EXOC4: variants seen among roughly 807,000 people sequenced by gnomAD.
The protein encoded by EXOC4 is SEC8-like 1.
Under a neutral mutation model 107.2 loss-of-function variants are expected in EXOC4, and 71 were observed. The ratio of observed to expected loss-of-function variants is 0.66; its 90% CI spans 0.55 to 0.81. EXOC4 has a LOEUF of 0.81. EXOC4 is among the 30% of genes least tolerant of loss of function. The pLI, the probability that EXOC4 is intolerant of heterozygous loss-of-function variation, is 0.00. For synonymous variants in EXOC4, 456 were observed against 441.2 expected (o/e 1.03, Z -0.42); for missense variants, 1,108 against 1,189.6 (o/e 0.93, Z 1.01).
At chr7:133,635,502 A>G (rs1802686125) in intron 10 of EXOC4, among the ~76,000 whole-genome samples, 1 of 152,220 alleles carries the variant, frequency 6.6e-6, no homozygotes, top group Non-Finnish European at 1.5e-5. Flanking sequence ...GAAAATCTAA[A>G]TGCTTGCACC....
At chr7:133,870,434 A>G (rs1250175968) in intron 11 of EXOC4, among the ~76,000 whole-genome samples, 14 of 152,144 alleles carry the variant, frequency 9.2e-5, no homozygotes, top group Admixed American at 2.6e-4. Context: ...TGCCTTTGAT[A>G]TTTGACTTTT....
At chr7:133,782,550 C>G (rs921552410) in intron 10 of EXOC4, among the ~76,000 whole-genome samples, 2 of 152,228 alleles carry the variant, frequency 1.3e-5, no homozygotes, top group African/African-American at 4.8e-5. Flanking sequence ...TGAAAGCTGT[C>G]AAAGGATAAG....
At chr7:133,664,522 A>C (rs1381564163) in intron 10 of EXOC4, among the ~76,000 whole-genome samples, 1 of 152,158 alleles carries the variant, frequency 6.6e-6, no homozygotes, top group South Asian at 2.1e-4. Context: ...GAATACCCAG[A>C]TCTTTATGTC....
intron 10 of EXOC4, among the ~76,000 whole-genome samples, chr7:133,741,094 C>T (rs182733158): frequency 6.6e-5 from 10 of 152,302 alleles, no homozygotes; most frequent in East Asian, 1.9e-4. Context: ...TTTCAATTAT[C>T]GCATGTGTAG....
In EXOC4 at chr7:133,645,086, CTTTT is replaced by C. The variant is rs35058872; in HGVS notation, c.1514+14961_1514+14964del. ...TCTTTTCTGGGGAGCCTTCTGCCAC[CTTTT>C]TTTTTTTTTTTTTTTCTTTGAGATG... On this transcript the variant is annotated intron_variant, in intron 10 of 17. Transcript: ENST00000253861. Among the ~76,000 whole-genome samples, 512 of 123,966 alleles carry C rather than the reference CTTTT, an allele frequency of 4.1e-3. 6 individuals are homozygous for C. Among genetic ancestry groups the C allele is most frequent in the African/African-American group, 0.011 (353 of 32,172 alleles). 81.3% of individuals were successfully genotyped at this position (123,966 alleles called of 152,430 possible). A position where few individuals can be genotyped will look rare whatever the true frequency, so the allele number is the denominator to read the frequency against.
intron 10 of EXOC4, 117 bp from the exon 11 acceptor site, chr7:133,817,208 T>C: frequency 1.5e-6 from 1 of 660,388 alleles, no homozygotes; most frequent in Admixed American, 2.7e-5. Context: ...TGAGTATTAT[T>C]GATGACCTGC....
intron 10 of EXOC4, among the ~76,000 whole-genome samples, chr7:133,667,679 C>T (rs1210135332): frequency 6.6e-6 from 1 of 152,158 alleles, no homozygotes; most frequent in Non-Finnish European, 1.5e-5. Context: ...TTGCACATTT[C>T]ACAATTACAT....
intron 10 of EXOC4, among the ~76,000 whole-genome samples, chr7:133,717,872 A>T (rs1442025442): frequency 1.3e-5 from 2 of 152,192 alleles, no homozygotes; most frequent in Admixed American, 6.5e-5. Context: ...GCCTTGCTTT[A>T]TTCACAGGCT....
intron 9 of EXOC4, among the ~76,000 whole-genome samples, chr7:133,556,163 T>C (rs751468614): frequency 2.0e-5 from 3 of 152,210 alleles, no homozygotes; most frequent in Admixed American, 6.5e-5. Context: ...ATAATGAGTT[T>C]TGTGCTGCAT....
chr7:133,868,360 G>A (rs1429949382), intron 11 of EXOC4, among the ~76,000 whole-genome samples: 2 of 152,172 alleles, frequency 1.3e-5, no homozygotes, highest in African/African-American at 4.8e-5. Context: ...GTAGAAGAGA[G>A]GTGGGAATTT....
intron 5 of EXOC4, among the ~76,000 whole-genome samples, chr7:133,349,990 A>C (rs1247348218): frequency 6.6e-6 from 1 of 152,152 alleles, no homozygotes; most frequent in Non-Finnish European, 1.5e-5. Context: ...TCTTCTTTGA[A>C]AAAATGTCTA....
intron 10 of EXOC4, among the ~76,000 whole-genome samples, chr7:133,711,191 G>A (rs546207964): frequency 5.1e-4 from 78 of 152,272 alleles, no homozygotes; most frequent in African/African-American, 1.8e-3. Flanking sequence ...CTACATCATC[G>A]CTGTCATTGG....
intron 10 of EXOC4, among the ~76,000 whole-genome samples, chr7:133,648,947 A>G (rs952545594): frequency 2.0e-5 from 3 of 152,144 alleles, no homozygotes; most frequent in African/African-American, 7.2e-5. Context: ...AGTGCCTTTA[A>G]TATCACAAAG....
chr7:133,603,258 C>G (rs1192616316), intron 9 of EXOC4, among the ~76,000 whole-genome samples: 1 of 152,154 alleles, frequency 6.6e-6, no homozygotes, highest in East Asian at 1.9e-4. Flanking sequence ...AGGTGCCATA[C>G]TCAAAATAGT....
intron 10 of EXOC4, among the ~76,000 whole-genome samples, chr7:133,632,021 C>CT (rs750891996): frequency 6.6e-6 from 1 of 152,044 alleles, no homozygotes; most frequent in East Asian, 1.9e-4. Context: ...GATTTTTCCT[C>CT]TAAGTTTTTT....
intron 9 of EXOC4, among the ~76,000 whole-genome samples, chr7:133,591,261 G>A (rs1399464682): frequency 6.6e-6 from 1 of 152,070 alleles, no homozygotes; most frequent in Non-Finnish European, 1.5e-5. Context: ...CAAACTCCTG[G>A]ACTCAAACTG....
intron 10 of EXOC4, among the ~76,000 whole-genome samples, chr7:133,742,498 G>A (rs1362738): frequency 0.99 from 150,361 of 152,312 alleles, 74,255 homozygotes; most frequent in Middle Eastern, 1. Flanking sequence ...TTCTCAACAT[G>A]TAAGATGTTA....
chr7:133,545,487 A>G (rs1800463075), intron 9 of EXOC4, among the ~76,000 whole-genome samples: 1 of 152,254 alleles, frequency 6.6e-6, no homozygotes, highest in South Asian at 2.1e-4. Context: ...CCCTTTTCCC[A>G]TTAAATGCCA....
chr7:134,028,478 A>G (rs1422143552), intron 17 of EXOC4, among the ~76,000 whole-genome samples: 1 of 152,238 alleles, frequency 6.6e-6, no homozygotes, highest in Non-Finnish European at 1.5e-5. Context: ...AACCGCAATT[A>G]TGTGAGAATA....
Sources: gnomAD v4.1 joint callset for allele counts (sites outside exome capture counted in the v4.1 genomes callset) on GRCh38, gnomAD v4.1.1 for gene constraint, MANE v1.5 for transcripts, NCBI Gene and HGNC (gene_info 2026-07-23, HGNC 2026-07-21) for gene names.